KATNIP: variants seen among roughly 807,000 people sequenced by gnomAD.
KATNIP encodes katanin-interacting protein.
In KATNIP, 126 loss-of-function variants were observed where a neutral mutation model predicts 174.0. The observed-to-expected ratio is 0.72, with a 90% confidence interval of 0.63 to 0.84. The LOEUF is 0.84. KATNIP is among the 40% of genes least tolerant of loss of function. KATNIP has a pLI of 0.00. For synonymous variants in KATNIP, 810 were observed against 835.7 expected, an observed-to-expected ratio of 0.97 and a Z score of 0.53; for missense variants, 1,958 against 2,109.7, an observed-to-expected ratio of 0.93 and a Z score of 1.41.
chr16:27,611,966 G>C (rs1207244884), intron 2 of KATNIP, among the ~76,000 whole-genome samples: 1 of 152,190 alleles, frequency 6.6e-6, no homozygotes, highest in Non-Finnish European at 1.5e-5. Flanking sequence ...TTTGGGAACC[G>C]AGCTGGCCCT....
At chr16:27,725,727 T>C (rs1286964996) in intron 14 of KATNIP, among the ~76,000 whole-genome samples, 1 of 152,066 alleles carries the variant, frequency 6.6e-6, no homozygotes, top group Non-Finnish European at 1.5e-5. Flanking sequence ...CTGTTTGCCT[T>C]TATAATAGTC....
At chr16:27,745,563 C>T (rs1343196416) in intron 15 of KATNIP, among the ~76,000 whole-genome samples, 1 of 152,224 alleles carries the variant, frequency 6.6e-6, no homozygotes. Flanking sequence ...AAGGGTGATT[C>T]ACTGGAATAA....
chr16:27,770,333 G>A (rs1026813983), intron 21 of KATNIP, among the ~76,000 whole-genome samples: 7 of 152,216 alleles, frequency 4.6e-5, no homozygotes, highest in East Asian at 1.9e-4. Context: ...GTTTGGGGAA[G>A]GGCCTTCCTT....
rs928067438 is a variant in KATNIP, at chr16:27,648,619, A to G, written c.424A>G (p.Arg142Gly). 3 of 1,614,212 alleles carry G rather than the reference A, an allele frequency of 1.9e-6. No individual in the cohort carries two copies. In the South Asian group the frequency reaches 3.3e-5, roughly 18 times the overall value. ...TTTTGTACAGAAATCTGTGCAGATC[A>G]GAACAGAAGCTGGCCCACGGCTCCA... is the stretch of plus-strand genomic sequence containing the variant. ...RGWHQKSVQI[R>G]TEAGPRLHIE... Residue 142 changes from arginine to glycine, a missense_variant, in exon 6 of 28, where the codon AGA becomes GGA. Coordinates refer to ENST00000261588, the MANE Select transcript of KATNIP (RefSeq NM_015202.5).
intron 1 of KATNIP, among the ~76,000 whole-genome samples, chr16:27,554,642 G>T (rs74901465): frequency 0.012 from 1,825 of 152,144 alleles, 48 homozygotes; most frequent in African/African-American, 0.041. Context: ...GTCTTAGGAC[G>T]TTATTGTAGC....
chr16:27,557,853 A>G (rs2089693462), intron 1 of KATNIP, among the ~76,000 whole-genome samples: 1 of 152,250 alleles, frequency 6.6e-6, no homozygotes, highest in Admixed American at 6.5e-5. Context: ...AAAAATGAGC[A>G]GATTTCTTAT....
intron 23 of KATNIP, among the ~76,000 whole-genome samples, chr16:27,774,612 G>T (rs766300569): frequency 1.3e-5 from 2 of 152,060 alleles, no homozygotes; most frequent in Non-Finnish European, 2.9e-5. Context: ...GAAAACCTCC[G>T]CAGAGCTTGC....
intron 3 of KATNIP, 176 bp from the exon 4 acceptor site, chr16:27,628,485 C>A: frequency 1.5e-6 from 1 of 649,832 alleles, no homozygotes; most frequent in African/African-American, 1.8e-5. Context: ...CGTGGCTTCT[C>A]TAAGTGGGTA....
chr16:27,560,137 C>A (rs1292445138), intron 1 of KATNIP, among the ~76,000 whole-genome samples: 2 of 151,720 alleles, frequency 1.3e-5, no homozygotes, highest in Admixed American at 1.3e-4. Context: ...CAAAAATTAG[C>A]CGGGCGTGGT....
At chr16:27,749,046 G>A (rs765671460) in intron 15 of KATNIP, among the ~76,000 whole-genome samples, 12 of 152,156 alleles carry the variant, frequency 7.9e-5, no homozygotes, top group Non-Finnish European at 1.8e-4. Context: ...TCACGTGACT[G>A]TGACAGTCTC....
rs2076732938 is a variant in KATNIP, at chr16:27,639,466, G to T, written c.408+8304G>T. ...GGACAGCGGCCTAATCAACAGAGCC[G>T]TCGTTTACCAAAATGCTGTCAGATT... On this transcript the variant is annotated intron_variant, in intron 5 of 27. Coordinates refer to ENST00000261588, the MANE Select transcript of KATNIP (RefSeq NM_015202.5). Among the ~76,000 whole-genome samples the T allele has an allele frequency of 2.0e-5, 3 of 152,324 alleles. No individual in the cohort carries two copies. In the South Asian group the frequency reaches 6.2e-4, roughly 32 times the overall value.
rs373671089 is a variant in KATNIP at position 27,740,566 on chromosome 16, C to A, written c.2269C>A (p.Pro757Thr). 19 of 1,614,062 alleles carry A rather than the reference C, an allele frequency of 1.2e-5. No homozygotes were observed. The highest frequency in any genetic ancestry group is 1.6e-5 in the Non-Finnish European group (19 of 1,180,050). ...PPGKTPSWLQ[P>T]SPTGKDRKQG... ...CGGGAAAACCCCATCCTGGTTACAA[C>A]CTTCTCCCACCGGCAAGGACAGGAA... The change falls in exon 15 of 28, where the codon CCT becomes ACT. Residue 757 changes from proline to threonine, a missense_variant. Pro to Thr is a conservative substitution (Grantham distance 38). Transcript: ENST00000261588.
intron 1 of KATNIP, among the ~76,000 whole-genome samples, chr16:27,561,007 GTCTTTTTTTTT>G (rs1185896215): frequency 6.6e-6 from 1 of 151,582 alleles, no homozygotes; most frequent in Non-Finnish European, 1.5e-5. Context: ...CATCCTTTTT[GTCTTTTTTTTT>G]TCTTTTTTTT....
chr16:27,649,164 G>A (rs1406679159), intron 6 of KATNIP, among the ~76,000 whole-genome samples: 1 of 152,244 alleles, frequency 6.6e-6, no homozygotes, highest in Non-Finnish European at 1.5e-5. Flanking sequence ...TGCTCAGCCT[G>A]TCCACACGTG....
intron 8 of KATNIP, chr16:27,687,455 C>T (rs888163598): frequency 6.6e-6 from 1 of 152,046 alleles, no homozygotes; most frequent in Non-Finnish European, 1.5e-5. Flanking sequence ...CCCCTTGCCC[C>T]TTTTTCTTAG....
rs1003060416 is a variant in KATNIP, at chr16:27,613,056, C to T, written c.64-5369C>T. Among the ~76,000 whole-genome samples, 15 of 151,774 alleles carry T rather than the reference C, an allele frequency of 9.9e-5. No homozygotes were observed. The South Asian group carries it at 2.5e-3, about 25-fold the overall frequency. On this transcript the variant is annotated intron_variant, in intron 2 of 27. Coordinates refer to ENST00000261588, the MANE Select transcript of KATNIP (RefSeq NM_015202.5). ...AGTGGGTCACTTGAGCTCAGGAGTC[C>T]GAGACCAGCCCGGGCAACACGACAA...
chr16:27,714,629 G>A (rs573851094), intron 13 of KATNIP, among the ~76,000 whole-genome samples: 16 of 152,076 alleles, frequency 1.1e-4, no homozygotes, highest in Non-Finnish European at 2.1e-4. Context: ...GAATGATAGA[G>A]AGAACATTGC....
intron 2 of KATNIP, among the ~76,000 whole-genome samples, chr16:27,602,642 G>A (rs1386229639): frequency 6.6e-6 from 1 of 152,192 alleles, no homozygotes; most frequent in Non-Finnish European, 1.5e-5. Context: ...AGAGTTTTAT[G>A]ATTACTCAAA....
chr16:27,754,273 G>A, intron 18 of KATNIP, 22 bp downstream of exon 18: 1 of 1,605,830 alleles, frequency 6.2e-7, no homozygotes. Flanking sequence ...TCCTGGAGCA[G>A]TGTTGGGTGG....
Sources: gnomAD v4.1 joint callset for allele counts (sites outside exome capture counted in the v4.1 genomes callset) on GRCh38, gnomAD v4.1.1 for gene constraint, MANE v1.5 for transcripts, NCBI Gene and HGNC (gene_info 2026-07-23, HGNC 2026-07-21) for gene names.